Variants in ABI2 observed in about 807,000 individuals in gnomAD.
ABI2 encodes the protein abl interactor 2, also known as abelson interactor 2.
Under a neutral mutation model 59.2 loss-of-function variants are expected in ABI2, and 25 were observed. The observed-to-expected ratio is 0.42, with a 90% CI of 0.31 to 0.59. ABI2 has a LOEUF of 0.59. Among genes scored for constraint, ABI2 ranks in the 20% least tolerant of loss-of-function variants. The pLI is 0.14. For missense variants in ABI2, 545 were observed against 681.8 expected (o/e 0.80, Z 2.23); for synonymous variants, 213 against 235.5 (o/e 0.90, Z 0.87).
At position 203,368,984 on chromosome 2, in the gene ABI2, A is replaced by AATTTTTTTTTTTT. The variant is rs1312712237; in HGVS notation, c.285+1940_285+1941insATTTTTTTTTTTT. On this transcript the variant is annotated intron_variant, in intron 2 of 11. Transcript: ENST00000261018. ...TACAGGCACGTGCCATGCTTGGCTG[A>AATTTTTTTTTTTT]TTTTTTTTTTTTTTTTTTTTTTTTT... Among the ~76,000 whole-genome samples, 8 of 91,118 alleles carry AATTTTTTTTTTTT rather than the reference A, an allele frequency of 8.8e-5. 4 individuals are homozygous for AATTTTTTTTTTTT. The highest frequency in any genetic ancestry group is 4.1e-5 in the Non-Finnish European group (2 of 48,338). The allele number at this position is 91,118 out of a possible 152,430, so 59.8% of individuals were successfully genotyped here. A position where few individuals can be genotyped will look rare whatever the true frequency, so the allele number is the denominator to read the frequency against.
intron 1 of ABI2, among the ~76,000 whole-genome samples, chr2:203,343,746 A>G (rs1559166423): frequency 1.3e-5 from 2 of 152,216 alleles, no homozygotes; most frequent in African/African-American, 4.8e-5. Flanking sequence ...TCTGACAAAA[A>G]TATGTTAATT....
At chr2:203,330,097 A>G (rs1371271000) in intron 1 of ABI2, among the ~76,000 whole-genome samples, 5 of 152,246 alleles carry the variant, frequency 3.3e-5, no homozygotes, top group East Asian at 1.9e-4. Context: ...AGGTGTTACA[A>G]TTTTATAGGT....
At chr2:203,399,384 C>T (rs1236471658) in intron 8 of ABI2, among the ~76,000 whole-genome samples, 1 of 151,956 alleles carries the variant, frequency 6.6e-6, no homozygotes, top group Non-Finnish European at 1.5e-5. Context: ...TTCCTTCTCA[C>T]CTTTTTAATA....
At chr2:203,370,714 C>CA (rs2095090343) in intron 2 of ABI2, among the ~76,000 whole-genome samples, 1 of 151,806 alleles carries the variant, frequency 6.6e-6, no homozygotes, top group South Asian at 2.1e-4. Context: ...GCAACTTGGG[C>CA]AAAAATACTA....
At position 203,348,326 on chromosome 2, in the gene ABI2, T is replaced by C. The variant is rs569716031; in HGVS notation, c.118-18551T>C. On this transcript the variant is annotated intron_variant, in intron 1 of 11. Transcript: ENST00000261018. Reference sequence around the variant, plus strand: ...TTTGTTTATTCCTAGGGAGTAATAGTTCCCACATTAAACATGAAGAGTTTT... The same window carrying C: ...TTTGTTTATTCCTAGGGAGTAATAGCTCCCACATTAAACATGAAGAGTTTT... Among the ~76,000 whole-genome samples, 9 of 152,312 alleles carry C rather than the reference T, an allele frequency of 5.9e-5. 1 individual carries two copies. In the South Asian group the frequency reaches 1.9e-3, roughly 32 times the overall value.
chr2:203,394,655 C>A, intron 5 of ABI2, 45 bp from the exon 6 acceptor site: 1 of 1,570,672 alleles, frequency 6.4e-7, no homozygotes, highest in Non-Finnish European at 8.7e-7. Context: ...TTTATTGTGC[C>A]GAAACTTGCT....
At chr2:203,372,231 G>C (rs970516588) in intron 2 of ABI2, among the ~76,000 whole-genome samples, 9 of 152,162 alleles carry the variant, frequency 5.9e-5, no homozygotes, top group African/African-American at 1.9e-4. Context: ...GTTTCAGAGA[G>C]CACAGGGTTG....
Position 203,429,572 on chromosome 2 carries a change from C to T in ABI2, c.*2220C>T, listed in dbSNP as rs1200117567. ...AATAAATTGAGACCATCCTGGCCAA[C>T]ATGGTGAAACCCCATCTCTACTAAA... On this transcript the variant is annotated 3_prime_UTR_variant, in exon 12 of 12. Coordinates refer to ENST00000261018, the MANE Select transcript of ABI2 (RefSeq NM_001375670.1). The T allele has an allele frequency of 6.6e-6, 1 of 152,074 alleles. No individual in the cohort carries two copies. Among genetic ancestry groups the T allele is most frequent in the African/African-American group, 2.4e-5 (1 of 41,374 alleles). 9.4% of individuals were successfully genotyped at this position (152,074 alleles called of 1,614,324 possible). A position where few individuals can be genotyped will look rare whatever the true frequency, so the allele number is the denominator to read the frequency against.
intron 2 of ABI2, 152 bp from the exon 3 acceptor site, chr2:203,380,056 T>C (rs1408359726): frequency 4.0e-6 from 2 of 496,562 alleles, no homozygotes; most frequent in African/African-American, 4.0e-5. Flanking sequence ...AACCTAAAAA[T>C]GGAGAAAATC....
At chr2:203,399,504 A>AT (rs1294517003) in intron 8 of ABI2, among the ~76,000 whole-genome samples, 2 of 143,296 alleles carry the variant, frequency 1.4e-5, no homozygotes, top group African/African-American at 2.6e-5. Flanking sequence ...CTTATTTTCT[A>AT]TTTTTTTGGC....
intron 10 of ABI2, 142 bp downstream of exon 10, chr2:203,411,513 T>TA (rs1559365367): frequency 3.0e-6 from 2 of 663,784 alleles, no homozygotes; most frequent in East Asian, 5.7e-5. Flanking sequence ...CTAGTGGAGA[T>TA]AAAATAGAGA....
At chr2:203,392,344 A>G (rs1001918462) in intron 5 of ABI2, among the ~76,000 whole-genome samples, 9 of 142,112 alleles carry the variant, frequency 6.3e-5, no homozygotes, top group African/African-American at 2.4e-4. Context: ...AACAACAACA[A>G]AACAACCACA....
chr2:203,346,608 C>T (rs2083758753), intron 1 of ABI2, among the ~76,000 whole-genome samples: 1 of 152,188 alleles, frequency 6.6e-6, no homozygotes, highest in South Asian at 2.1e-4. Flanking sequence ...ACTCTTTCTC[C>T]CCCACCACAT....
rs1266667089 is a variant in ABI2 at position 203,428,390 on chromosome 2, T to C, written c.*1038T>C. On this transcript the variant is annotated 3_prime_UTR_variant, in exon 12 of 12. Transcript: ENST00000261018. ...GAGTACAAGGTTTGCTAATGTGCTC[T>C]CTGGACGTTATTAATGGCCAGTATT... 1 of 152,620 alleles carries C rather than the reference T, an allele frequency of 6.6e-6. No individual in the cohort carries two copies. The highest frequency in any genetic ancestry group is 1.5e-5 in the Non-Finnish European group (1 of 68,040). 9.5% of individuals were successfully genotyped at this position (152,620 alleles called of 1,614,324 possible). A position where few individuals can be genotyped will look rare whatever the true frequency, so the allele number is the denominator to read the frequency against.
At chr2:203,345,365 T>C (rs2082696780) in intron 1 of ABI2, among the ~76,000 whole-genome samples, 2 of 152,138 alleles carry the variant, frequency 1.3e-5, no homozygotes, top group Admixed American at 1.3e-4. Context: ...AGGAACAAAC[T>C]CCGGACACAC....
Position 203,392,976 on chromosome 2 carries a change from T to TA in ABI2, c.579-1724_579-1723insA, listed in dbSNP as rs553031327. Among the ~76,000 whole-genome samples, 17 of 151,930 alleles carry TA rather than the reference T, an allele frequency of 1.1e-4. No individual in the cohort carries two copies. The South Asian group carries it at 3.1e-3, about 28-fold the overall frequency. On this transcript the variant is annotated intron_variant, in intron 5 of 11. Coordinates refer to ENST00000261018, the MANE Select transcript of ABI2 (RefSeq NM_001375670.1). Reference sequence around the variant, plus strand: ...TTTTGTTCCTTTGCTCCTTTTTTTTTTAAAAAAAATCTTATTTGTGTCATT... The same window carrying TA: ...TTTTGTTCCTTTGCTCCTTTTTTTTTATAAAAAAAATCTTATTTGTGTCATT...
intron 5 of ABI2, among the ~76,000 whole-genome samples, chr2:203,391,852 C>T (rs2096754267): frequency 6.6e-6 from 1 of 150,706 alleles, no homozygotes; most frequent in Admixed American, 6.6e-5. Context: ...GAATATGGAG[C>T]TTTATTTTGG....
At chr2:203,362,743 T>C (rs1328382773) in intron 1 of ABI2, among the ~76,000 whole-genome samples, 1 of 151,858 alleles carries the variant, frequency 6.6e-6, no homozygotes, top group Admixed American at 6.7e-5. Flanking sequence ...GGCAGGCCGG[T>C]CTTGAACTCC....
chr2:203,338,965 T>A (rs1278394043), intron 1 of ABI2, among the ~76,000 whole-genome samples: 1 of 9,494 alleles, frequency 1.1e-4, no homozygotes, highest in African/African-American at 2.7e-4. Flanking sequence ...TATATATAAA[T>A]ATATATATAT....
Sources: allele counts gnomAD v4.1 joint callset (sites outside exome capture counted in the v4.1 genomes callset), GRCh38; gene constraint gnomAD v4.1.1; transcripts MANE v1.5; gene names NCBI Gene and HGNC (gene_info 2026-07-23, HGNC 2026-07-21).